The following CUL5 variants were observed in gnomAD, a reference collection of about 807,000 sequenced individuals.
CUL5 encodes cullin-5.
In CUL5, 26 loss-of-function variants were observed where a neutral mutation model predicts 108.8. That is an observed-to-expected ratio of 0.24 (90% CI 0.18 to 0.33). The LOEUF (loss-of-function observed/expected upper bound fraction) is 0.33, where lower values mean the gene tolerates loss of function less well. Ranked by LOEUF, CUL5 falls within the 10% of genes least tolerant of loss-of-function variation. The pLI is 1.00. For missense variants in CUL5, 524 were observed against 909.2 expected (o/e 0.58, Z 5.45); for synonymous variants, 334 against 298.0 (o/e 1.12, Z -1.25).
intron 7 of CUL5, among the ~76,000 whole-genome samples, chr11:108,068,210 C>T (rs148002663): frequency 1.3e-5 from 2 of 152,290 alleles, no homozygotes; most frequent in African/African-American, 4.8e-5. Context: ...TGAGCCACCA[C>T]GCCCAGCCAT....
In CUL5 at chr11:108,068,875, A is replaced by G. The variant is rs543176259; in HGVS notation, c.781-1221A>G. ...CCTCGTTACCATATCCCAACCACCC[A>G]CTCCTTACCACCTGCCTTACTACCA... On this transcript the variant is annotated intron_variant, in intron 7 of 18. Coordinates refer to ENST00000393094, the MANE Select transcript of CUL5 (RefSeq NM_003478.6). Among the ~76,000 whole-genome samples the G allele has an allele frequency of 3.3e-5, 5 of 151,826 alleles. No homozygotes were observed. In the East Asian group the frequency reaches 9.7e-4, roughly 30 times the overall value.
At chr11:108,088,876 C>T (rs1393792166) in intron 12 of CUL5, among the ~76,000 whole-genome samples, 1 of 151,944 alleles carries the variant, frequency 6.6e-6, no homozygotes, top group African/African-American at 2.4e-5. Context: ...TTTAATTCCT[C>T]TCCTTTCTTG....
At position 108,094,465 on chromosome 11, in the gene CUL5, GA is replaced by G; in HGVS notation, c.1520del (p.Asn507ThrfsTer22). 1 of 1,550,842 alleles carries G rather than the reference GA, an allele frequency of 6.4e-7. No homozygotes were observed. The highest frequency in any genetic ancestry group is 8.8e-7 in the Non-Finnish European group (1 of 1,135,732). ...AGGACATAAAAGTATCTGAAGATTTGAACCAAGCTTTTAAGGAAATGCACAA... is the reference window on the plus strand; with the variant it reads ...AGGACATAAAAGTATCTGAAGATTTGACCAAGCTTTTAAGGAAATGCACAA... ...FQDIKVSEDL[N>X]QAFKEMHKNN... is the part of the protein sequence containing the mutation. On this transcript the variant is annotated frameshift_variant, in exon 14 of 19. Coordinates refer to ENST00000393094, the MANE Select transcript of CUL5 (RefSeq NM_003478.6). LOFTEE classifies it high-confidence loss of function.
At chr11:108,056,264 A>G (rs1863375127) in intron 7 of CUL5, among the ~76,000 whole-genome samples, 1 of 152,178 alleles carries the variant, frequency 6.6e-6, no homozygotes, top group African/African-American at 2.4e-5. Flanking sequence ...TGGAGCCTTG[A>G]TTTAGATTTG....
chr11:108,044,994 C>T (rs1232587048), intron 2 of CUL5, among the ~76,000 whole-genome samples: 1 of 152,170 alleles, frequency 6.6e-6, no homozygotes, highest in African/African-American at 2.4e-5. Flanking sequence ...AACTCCTGAC[C>T]TCAAGTGATC....
At chr11:108,058,495 G>A (rs960517209) in intron 7 of CUL5, among the ~76,000 whole-genome samples, 4 of 151,526 alleles carry the variant, frequency 2.6e-5, no homozygotes, top group Non-Finnish European at 5.9e-5. Context: ...TGATCTGCCC[G>A]CGGCGGCCTC....
chr11:108,039,275 C>T (rs1450588514), intron 2 of CUL5, among the ~76,000 whole-genome samples: 2 of 152,182 alleles, frequency 1.3e-5, no homozygotes, highest in Non-Finnish European at 2.9e-5. Context: ...TCACCTTGGC[C>T]TCCCAAAGTG....
At chr11:108,038,249 A>G (rs989214281) in intron 2 of CUL5, among the ~76,000 whole-genome samples, 4 of 152,132 alleles carry the variant, frequency 2.6e-5, no homozygotes, top group Non-Finnish European at 5.9e-5. Context: ...GTCTGTGTTG[A>G]TAAGATTTAT....
chr11:108,069,107 A>G lies in CUL5; in HGVS notation c.781-989A>G, dbSNP rs189591329. 1.8e-4 allele frequency among the ~76,000 whole-genome samples: 27 copies of G among 152,260 alleles called. No homozygotes were observed. In the East Asian group the frequency reaches 4.6e-3, roughly 26 times the overall value. ...TCATCTCTACAGAAAAGTTTAAAAA[A>G]TTAACCAGACTTGATAGTACATCCC... On this transcript the variant is annotated intron_variant, in intron 7 of 18. Coordinates refer to ENST00000393094, the MANE Select transcript of CUL5 (RefSeq NM_003478.6).
At chr11:108,102,386 G>A (rs1392462024) in intron 18 of CUL5, among the ~76,000 whole-genome samples, 1 of 152,106 alleles carries the variant, frequency 6.6e-6, no homozygotes, top group African/African-American at 2.4e-5. Context: ...GAGTGCAGTG[G>A]TACAATCTCA....
intron 2 of CUL5, among the ~76,000 whole-genome samples, chr11:108,042,620 C>T (rs1862957120): frequency 6.6e-6 from 1 of 152,076 alleles, no homozygotes; most frequent in South Asian, 2.1e-4. Context: ...AGATTAAGCT[C>T]AGGAACCAAC....
chr11:108,089,494 C>A lies in CUL5; in HGVS notation c.1314C>A (p.Leu438=). Residue 438 remains leucine (L), a splice_region_variant and synonymous_variant, in exon 13 of 19, where the codon CTC becomes CTA. Coordinates refer to ENST00000393094, the MANE Select transcript of CUL5 (RefSeq NM_003478.6). ...AAGTAACTTTATTTTTCATACAGCTCTTGGTACTTAAGTATGTACAGAACA... is the reference window on the plus strand; with the variant it reads ...AAGTAACTTTATTTTTCATACAGCTATTGGTACTTAAGTATGTACAGAACA... ...EEIEAKLKEV[L]LVLKYVQNKD... is the part of the protein sequence containing the mutation. 1 of 1,542,702 alleles carries A rather than the reference C, an allele frequency of 6.5e-7. No individual in the cohort carries two copies. Among genetic ancestry groups the A allele is most frequent in the African/African-American group, 1.4e-5 (1 of 70,726 alleles).
chr11:108,088,383 C>T, intron 11 of CUL5, 144 bp from the exon 12 acceptor site: 1 of 829,984 alleles, frequency 1.2e-6, no homozygotes, highest in Non-Finnish European at 1.8e-6. Context: ...ATTAGGCACC[C>T]TAGGATGCTT....
At chr11:108,090,357 T>C in intron 13 of CUL5, among the ~76,000 whole-genome samples, 1 of 150,772 alleles carries the variant, frequency 6.6e-6, no homozygotes, top group Admixed American at 6.6e-5. Context: ...GGCGTGGTGG[T>C]GGGGGGCCTG....
intron 1 of CUL5, among the ~76,000 whole-genome samples, chr11:108,011,906 G>A (rs1401519670): frequency 6.6e-6 from 1 of 152,202 alleles, no homozygotes; most frequent in East Asian, 1.9e-4. Context: ...GATTATAGGC[G>A]TGAGCCACCA....
chr11:108,097,888 T>C (rs1373273057), intron 17 of CUL5, 134 bp downstream of exon 17: 1 of 555,996 alleles, frequency 1.8e-6, no homozygotes, highest in Non-Finnish European at 3.2e-6. Context: ...TTACATCATT[T>C]AGTTGTTTAT....
intron 11 of CUL5, among the ~76,000 whole-genome samples, chr11:108,080,137 G>A (rs1374825739): frequency 1.6e-5 from 2 of 123,914 alleles, no homozygotes; most frequent in East Asian, 2.3e-4. Flanking sequence ...TCCGGTATTC[G>A]TATATTTTCC....
intron 2 of CUL5, among the ~76,000 whole-genome samples, chr11:108,041,806 G>A (rs1255975034): frequency 6.6e-6 from 1 of 152,040 alleles, no homozygotes; most frequent in Admixed American, 6.6e-5. Flanking sequence ...TGGCCAGGCT[G>A]GTCTCGAACT....
chr11:108,089,260 A>G (rs1162995035), intron 12 of CUL5, among the ~76,000 whole-genome samples: 1 of 152,188 alleles, frequency 6.6e-6, no homozygotes, highest in Non-Finnish European at 1.5e-5. Flanking sequence ...ACAAAATCTA[A>G]AAAACTGATA....
Sources: allele counts gnomAD v4.1 joint callset (sites outside exome capture counted in the v4.1 genomes callset), GRCh38; gene constraint gnomAD v4.1.1; transcripts MANE v1.5; gene names NCBI Gene and HGNC (gene_info 2026-07-23, HGNC 2026-07-21).